GRB10: variants seen among roughly 807,000 people sequenced by gnomAD.
The protein encoded by GRB10 is growth factor receptor-bound protein 10.
A neutral mutation model predicts 80.9 loss-of-function variants in GRB10; 20 were observed. The ratio of observed to expected loss-of-function variants is 0.25; its 90% CI spans 0.17 to 0.36. The LOEUF (loss-of-function observed/expected upper bound fraction) is 0.36. Ranked by LOEUF, GRB10 falls within the 10% of genes least tolerant of loss-of-function variation. The pLI is 1.00. For missense variants in GRB10, 548 were observed against 747.7 expected (o/e 0.73, Z 3.12); for synonymous variants, 291 against 291.5 (o/e 1.00, Z 0.02).
rs1230451537 is a variant in GRB10, at chr7:50,592,549, GAGTGCAAAAAAGTGATCAATACAAA to G, written c.*378_*402del. On this transcript the variant is annotated 3_prime_UTR_variant, in exon 19 of 19. Coordinates refer to ENST00000401949, the MANE Select transcript of GRB10 (RefSeq NM_001350814.2). ...GAATACAATATTGAAAACAAAGAAG[GAGTGCAAAAAAGTGATCAATACAAA>G]AAAAGTAAACATATCAGTTTTAATT... The G allele has an allele frequency of 3.6e-6, 1 of 277,534 alleles. No homozygotes were observed. Among genetic ancestry groups the G allele is most frequent in the Non-Finnish European group, 7.1e-6 (1 of 141,432 alleles). The allele number at this position is 277,534 out of a possible 1,614,324, so 17.2% of individuals were successfully genotyped here. A position where few individuals can be genotyped will look rare whatever the true frequency, so the allele number is the denominator to read the frequency against.
chr7:50,682,823 CAT>C (rs768096492), intron 5 of GRB10, among the ~76,000 whole-genome samples: 1 of 152,146 alleles, frequency 6.6e-6, no homozygotes, highest in East Asian at 1.9e-4. Context: ...GGGAGGGAAA[CAT>C]AAATCTGTTA....
At chr7:50,687,564 A>G (rs1050160899) in intron 5 of GRB10, among the ~76,000 whole-genome samples, 2 of 151,970 alleles carry the variant, frequency 1.3e-5, no homozygotes, top group Non-Finnish European at 2.9e-5. Context: ...TCATGTCTCC[A>G]CTCAACCCTG....
intron 4 of GRB10, among the ~76,000 whole-genome samples, chr7:50,724,308 T>C (rs1364150394): frequency 6.6e-6 from 1 of 152,248 alleles, no homozygotes; most frequent in Non-Finnish European, 1.5e-5. Context: ...CAAGCACGGA[T>C]ACTTCACAAC....
upstream of GRB10, chr7:50,782,898 G>A (rs529888969): frequency 6.6e-6 from 1 of 152,382 alleles, no homozygotes; most frequent in South Asian, 2.1e-4. The surrounding 1 kb of genome is among the most constrained non-coding windows in gnomAD (Gnocchi z 6.6). Flanking sequence ...AGGAATCCCA[G>A]GACCAAACCC....
chr7:50,597,366 CAG>C (rs1415043198), intron 17 of GRB10, among the ~76,000 whole-genome samples: 5 of 152,234 alleles, frequency 3.3e-5, no homozygotes, highest in African/African-American at 1.2e-4. Context: ...GCGGCACCGC[CAG>C]AGAGAAGACA....
intron 2 of GRB10, among the ~76,000 whole-genome samples, chr7:50,760,902 C>A (rs1443073774): frequency 6.6e-6 from 1 of 152,198 alleles, no homozygotes; most frequent in Non-Finnish European, 1.5e-5. Flanking sequence ...GTACTCAGGG[C>A]AATGGCAGCC....
rs2075012725 is a variant in GRB10, at chr7:50,755,932, C to T, written c.-92G>A. 2 of 398,680 alleles carry T rather than the reference C, an allele frequency of 5.0e-6. No individual in the cohort carries two copies. Among genetic ancestry groups the T allele is most frequent in the South Asian group, 2.5e-4 (2 of 7,862 alleles). 24.7% of individuals were successfully genotyped at this position (398,680 alleles called of 1,614,324 possible). A position where few individuals can be genotyped will look rare whatever the true frequency, so the allele number is the denominator to read the frequency against. On this transcript the variant is annotated 5_prime_UTR_variant, in exon 3 of 19. Transcript: ENST00000401949. ...AGCACTGTCTGCTGGGGCGGCCACC[C>T]TGGCTTCACTGAGAGGACCCAGGTG...
At chr7:50,635,782 G>A (rs1037524027) in intron 7 of GRB10, among the ~76,000 whole-genome samples, 25 of 151,330 alleles carry the variant, frequency 1.7e-4, no homozygotes, top group African/African-American at 5.8e-4. Flanking sequence ...AAAACCTAGA[G>A]GAAATGGATA....
At chr7:50,733,196 T>C (rs574521815) in intron 3 of GRB10, among the ~76,000 whole-genome samples, 14 of 152,270 alleles carry the variant, frequency 9.2e-5, no homozygotes, top group Non-Finnish European at 1.3e-4. Flanking sequence ...GAGAAGACCA[T>C]GTCAGGACAC....
upstream of GRB10, among the ~76,000 whole-genome samples, chr7:50,783,513 C>T (rs528700252): frequency 6.1e-5 from 9 of 147,890 alleles, no homozygotes; most frequent in East Asian, 1.2e-3. Context: ...ACCACACACA[C>T]ACATACACCA....
rs113885147 is a variant in GRB10, at chr7:50,660,695, T to C, written c.504+9027A>G. Among the ~76,000 whole-genome samples the C allele has an allele frequency of 1.4e-4, 21 of 151,800 alleles. 1 individual carries two copies. Among genetic ancestry groups the C allele is most frequent in the African/African-American group, 5.1e-4 (21 of 41,442 alleles). On this transcript the variant is annotated intron_variant, in intron 7 of 18. Transcript: ENST00000401949. Reference sequence around the variant, plus strand: ...CACGCAGTAGCAGAAGGAAAGGAGTTAGAGATGCAGGTGTGAGGGGGGCCG... The same window carrying C: ...CACGCAGTAGCAGAAGGAAAGGAGTCAGAGATGCAGGTGTGAGGGGGGCCG...
intron 7 of GRB10, among the ~76,000 whole-genome samples, chr7:50,637,990 G>T (rs1429530975): frequency 6.6e-6 from 1 of 152,130 alleles, no homozygotes; most frequent in African/African-American, 2.4e-5. Flanking sequence ...GGGAAAATTG[G>T]CTATCTCTAT....
At chr7:50,767,027 T>C (rs762778593) in intron 2 of GRB10, among the ~76,000 whole-genome samples, 10 of 152,198 alleles carry the variant, frequency 6.6e-5, no homozygotes, top group Admixed American at 2.6e-4. Context: ...TAGCACAAGA[T>C]TGAAAACTGA....
chr7:50,653,202 G>A (rs1249031617), intron 7 of GRB10, among the ~76,000 whole-genome samples: 2 of 152,186 alleles, frequency 1.3e-5, no homozygotes, highest in African/African-American at 4.8e-5. Flanking sequence ...CCTAGGCACT[G>A]TCAGCCCTAG....
At chr7:50,753,475 C>T (rs13233963) in intron 3 of GRB10, among the ~76,000 whole-genome samples, 50,020 of 152,092 alleles carry the variant, frequency 0.33, 10,492 homozygotes, top group Non-Finnish European at 0.48. Context: ...TCTGAGAGTC[C>T]CAAGTCAAGG....
At chr7:50,749,726 G>A (rs913097546) in intron 3 of GRB10, among the ~76,000 whole-genome samples, 1 of 152,096 alleles carries the variant, frequency 6.6e-6, no homozygotes. Flanking sequence ...TCATCAACTC[G>A]TTGGTCTATG....
chr7:50,663,699 G>C (rs1170161826), intron 7 of GRB10, among the ~76,000 whole-genome samples: 1 of 152,230 alleles, frequency 6.6e-6, no homozygotes, highest in Non-Finnish European at 1.5e-5. Flanking sequence ...TTTTGTAGCT[G>C]CATGTGCAGA....
At chr7:50,730,915 C>T (rs1031394638) in intron 4 of GRB10, among the ~76,000 whole-genome samples, 4 of 152,194 alleles carry the variant, frequency 2.6e-5, no homozygotes, top group Non-Finnish European at 5.9e-5. Flanking sequence ...TCTTTGAGCT[C>T]ACTGACTGCA....
At chr7:50,648,261 G>A (rs974907351) in intron 7 of GRB10, among the ~76,000 whole-genome samples, 11 of 152,016 alleles carry the variant, frequency 7.2e-5, no homozygotes, top group African/African-American at 1.5e-4. Context: ...GGAGAGCAGC[G>A]AGCGACAGGA....
Sources: allele counts gnomAD v4.1 joint callset (sites outside exome capture counted in the v4.1 genomes callset), GRCh38; gene constraint gnomAD v4.1.1; non-coding constraint Gnocchi (gnomAD v3.1); transcripts MANE v1.5; gene names NCBI Gene and HGNC (gene_info 2026-07-23, HGNC 2026-07-21).